ADARB2: variants seen among roughly 807,000 people sequenced by gnomAD.
ADARB2 encodes inactive double-stranded RNA-specific editase B2.
ADARB2 carries 25 observed loss-of-function variants against 62.2 expected under a neutral mutation model. The ratio of observed to expected loss-of-function variants is 0.40; its 90% confidence interval spans 0.29 to 0.56. ADARB2 has a LOEUF of 0.56. Among genes scored for constraint, ADARB2 ranks in the 20% least tolerant of loss-of-function variants. The pLI is 0.43. For synonymous variants in ADARB2, 572 were observed against 500.8 expected (o/e 1.14, Z -1.90); for missense variants, 1,071 against 1,077.4 (o/e 0.99, Z 0.08).
At chr10:1,653,282 G>T (rs1434614796) in intron 1 of ADARB2, among the ~76,000 whole-genome samples, 1 of 152,200 alleles carries the variant, frequency 6.6e-6, no homozygotes, top group East Asian at 1.9e-4. Context: ...AGAAGGACTT[G>T]GGGAGACAGC....
intron 1 of ADARB2, among the ~76,000 whole-genome samples, chr10:1,387,565 A>C (rs1832535452): frequency 6.6e-6 from 1 of 152,066 alleles, no homozygotes; most frequent in South Asian, 2.1e-4. Context: ...GGAGAAGCAG[A>C]AAACCAGAAG....
chr10:1,539,556 G>C (rs1337239712), intron 1 of ADARB2, among the ~76,000 whole-genome samples: 2 of 152,248 alleles, frequency 1.3e-5, no homozygotes, highest in Non-Finnish European at 2.9e-5. Context: ...GCAAGGTAGA[G>C]GGTACACCGG....
intron 1 of ADARB2, among the ~76,000 whole-genome samples, chr10:1,534,066 T>A (rs796874966): frequency 8.0e-5 from 12 of 149,096 alleles, no homozygotes; most frequent in African/African-American, 3.0e-4. Context: ...AGAGAGAGAT[T>A]GATTTAGTTT....
chr10:1,263,428 T>TA (rs896572789), intron 4 of ADARB2, among the ~76,000 whole-genome samples: 9 of 152,246 alleles, frequency 5.9e-5, no homozygotes, highest in African/African-American at 1.9e-4. Flanking sequence ...ATGCTTCCAG[T>TA]AAAAAAAGAC....
At position 1,185,025 on chromosome 10, in the gene ADARB2, C is replaced by G; in HGVS notation, c.1879G>C (p.Glu627Gln). ...RPLLSGVSDA[E>Q]ARQPGKSPPF... ...GGCGACTTCCCCGGCTGGCGCGCCT[C>G]GGCGTCACTCACGCCTGTCGGGGAG... The change falls in exon 9 of 10, where the codon GAG becomes CAG. Residue 627 changes from glutamate to glutamine, a missense_variant. By Grantham distance (29) the Glu-to-Gln change is conservative (BLOSUM62 2). Coordinates refer to ENST00000381312, the MANE Select transcript of ADARB2 (RefSeq NM_018702.4). 6.2e-7 allele frequency: 1 copy of G among 1,612,546 alleles called. No homozygotes were observed. The highest frequency in any genetic ancestry group is 1.7e-4 in the Middle Eastern group (1 of 5,726).
intron 2 of ADARB2, among the ~76,000 whole-genome samples, chr10:1,364,874 T>TC (rs1832299379): frequency 2.8e-5 from 1 of 35,500 alleles, no homozygotes; most frequent in African/African-American, 1.1e-4. Flanking sequence ...TTTGGTAATT[T>TC]TTTTTTTTTT....
At chr10:1,464,021 A>T (rs1004571168) in intron 1 of ADARB2, among the ~76,000 whole-genome samples, 1 of 152,212 alleles carries the variant, frequency 6.6e-6, no homozygotes, top group Non-Finnish European at 1.5e-5. Flanking sequence ...TAAAACAACC[A>T]CAGAGAAGCT....
chr10:1,274,824 GAC>G (rs1831299030), intron 3 of ADARB2, among the ~76,000 whole-genome samples: 1 of 152,236 alleles, frequency 6.6e-6, no homozygotes, highest in Non-Finnish European at 1.5e-5. Flanking sequence ...CCTTGACCTT[GAC>G]CCTTGCACTG....
At chr10:1,187,191 C>T (rs555590319) in intron 8 of ADARB2, among the ~76,000 whole-genome samples, 21 of 152,374 alleles carry the variant, frequency 1.4e-4, no homozygotes, top group African/African-American at 3.1e-4. Context: ...CCCCGAGAGC[C>T]GGGAGGGACA....
At chr10:1,702,269 T>C (rs563373488) in intron 1 of ADARB2, among the ~76,000 whole-genome samples, 11 of 152,364 alleles carry the variant, frequency 7.2e-5, no homozygotes, top group South Asian at 4.1e-4. Context: ...AAAAGCACAA[T>C]TTTTGAATTA....
chr10:1,381,118 CATAT>C (rs1376878154), intron 1 of ADARB2, among the ~76,000 whole-genome samples: 3 of 152,082 alleles, frequency 2.0e-5, no homozygotes, highest in East Asian at 1.9e-4. Context: ...ACAATTTTTT[CATAT>C]ATAGTCATTT....
At chr10:1,448,934 C>A (rs1159863449) in intron 1 of ADARB2, among the ~76,000 whole-genome samples, 1 of 152,218 alleles carries the variant, frequency 6.6e-6, no homozygotes, top group Non-Finnish European at 1.5e-5. Flanking sequence ...ATCTTGTAAG[C>A]ATGACCACCC....
At chr10:1,228,622 C>T (rs890369729) in intron 6 of ADARB2, among the ~76,000 whole-genome samples, 1 of 152,260 alleles carries the variant, frequency 6.6e-6, no homozygotes, top group Non-Finnish European at 1.5e-5. Flanking sequence ...GGGAAAGCCA[C>T]AGATGTGGCA....
intron 6 of ADARB2, among the ~76,000 whole-genome samples, chr10:1,230,835 T>C (rs1420997573): frequency 6.6e-6 from 1 of 152,276 alleles, no homozygotes; most frequent in East Asian, 1.9e-4. Context: ...GGCAGGAGTT[T>C]CTCAATTTTG....
At chr10:1,688,181 G>A (rs745351968) in intron 1 of ADARB2, among the ~76,000 whole-genome samples, 1 of 152,220 alleles carries the variant, frequency 6.6e-6, no homozygotes, top group Non-Finnish European at 1.5e-5. Context: ...GGGACCTGGG[G>A]GGTTGAGTCC....
chr10:1,552,970 G>A lies in ADARB2; in HGVS notation c.101-173810C>T, dbSNP rs113033424. On this transcript the variant is annotated intron_variant, in intron 1 of 9. Coordinates refer to ENST00000381312, the MANE Select transcript of ADARB2 (RefSeq NM_018702.4). ...AATGTTTGTCAGGATCTTTGAGGCA[G>A]AAACTGTATGTCACCCCCATGGTCT... Among the ~76,000 whole-genome samples the A allele has an allele frequency of 1.5e-3, 227 of 152,356 alleles. 2 individuals are homozygous for A. In the South Asian group the frequency reaches 0.019, roughly 13 times the overall value.
intron 1 of ADARB2, among the ~76,000 whole-genome samples, chr10:1,629,121 G>T (rs184861447): frequency 6.6e-6 from 1 of 152,190 alleles, no homozygotes; most frequent in Non-Finnish European, 1.5e-5. Context: ...CAGAGTCCAC[G>T]AGTAACATGT....
At chr10:1,633,719 TC>T (rs1024586329) in intron 1 of ADARB2, among the ~76,000 whole-genome samples, 2 of 152,214 alleles carry the variant, frequency 1.3e-5, no homozygotes, top group Non-Finnish European at 2.9e-5. Context: ...CTGAGTAGTT[TC>T]CAAAATATTT....
At chr10:1,386,488 A>G (rs1832526262) in intron 1 of ADARB2, among the ~76,000 whole-genome samples, 1 of 152,014 alleles carries the variant, frequency 6.6e-6, no homozygotes, top group Non-Finnish European at 1.5e-5. Flanking sequence ...ACATCATGTA[A>G]ATGCTTATTT....
Sources: allele counts gnomAD v4.1 joint callset (sites outside exome capture counted in the v4.1 genomes callset), GRCh38; gene constraint gnomAD v4.1.1; transcripts MANE v1.5; gene names NCBI Gene and HGNC (gene_info 2026-07-23, HGNC 2026-07-21).